Variants in VPS13B observed in about 807,000 individuals in gnomAD.
The protein encoded by VPS13B is intermembrane lipid transfer protein VPS13B.
In VPS13B, 285 loss-of-function variants were observed where a neutral mutation model predicts 426.4. That is an observed-to-expected ratio of 0.67 (90% CI 0.61 to 0.74). The LOEUF is 0.74. VPS13B is among the 30% of genes least tolerant of loss of function. VPS13B has a pLI of 0.00. For missense variants in VPS13B, 4,537 were observed against 4,782.6 expected (o/e 0.95, Z 1.51); for synonymous variants, 1,676 against 1,676.4 (o/e 1.00, Z 0.01).
chr8:99,101,394 A>G (rs1032030599), intron 4 of VPS13B, among the ~76,000 whole-genome samples: 1 of 152,162 alleles, frequency 6.6e-6, no homozygotes, highest in African/African-American at 2.4e-5. Context: ...GGCCTCCCAA[A>G]GTGCTGGGAT....
intron 19 of VPS13B, among the ~76,000 whole-genome samples, chr8:99,365,708 G>C (rs1812838152): frequency 6.6e-6 from 1 of 151,298 alleles, no homozygotes; most frequent in South Asian, 2.1e-4. Flanking sequence ...GTAGAGATGG[G>C]GTTTCACCAT....
chr8:99,079,463 C>A (rs1845326131), intron 3 of VPS13B, among the ~76,000 whole-genome samples: 1 of 151,952 alleles, frequency 6.6e-6, no homozygotes, highest in African/African-American at 2.4e-5. Flanking sequence ...ATACCTAGGC[C>A]CTGGTTGGCA....
intron 47 of VPS13B, 95 bp downstream of exon 47, chr8:99,818,983 G>GGGGGGGGGGGGGGT: frequency 5.2e-6 from 2 of 384,874 alleles, no homozygotes; most frequent in Non-Finnish European, 5.3e-6. Flanking sequence ...GGAGGGGTGG[G>GGGGGGGGGGGGGGT]TAGGGAGATG....
intron 3 of VPS13B, among the ~76,000 whole-genome samples, chr8:99,087,329 G>A (rs142812535): frequency 7.4e-4 from 113 of 152,262 alleles, no homozygotes; most frequent in Non-Finnish European, 8.4e-4. Flanking sequence ...GGGTGGGAGT[G>A]ACCTGATTTT....
chr8:99,284,882 A>G (rs1819353397), intron 19 of VPS13B, among the ~76,000 whole-genome samples: 1 of 152,198 alleles, frequency 6.6e-6, no homozygotes, highest in African/African-American at 2.4e-5. Flanking sequence ...TGTCACCTAT[A>G]AAATGGAGAT....
intron 19 of VPS13B, among the ~76,000 whole-genome samples, chr8:99,369,624 A>G (rs140375436): frequency 0.012 from 1,800 of 152,314 alleles, 21 homozygotes; most frequent in Admixed American, 0.054. Context: ...CTACTTTGAC[A>G]CAGGAAAAAT....
Position 99,536,409 on chromosome 8 carries a change from GT to G in VPS13B, c.4745+15400del, listed in dbSNP as rs544345736. ...ATATGAAGATTAAACATTATAATTT[GT>G]AACATCTTCATTCATTAGATAAATT... is the stretch of plus-strand genomic sequence containing the variant. On this transcript the variant is annotated intron_variant, in intron 30 of 61. Coordinates refer to ENST00000357162, the MANE Select transcript of VPS13B (RefSeq NM_152564.5). Among the ~76,000 whole-genome samples the G allele has an allele frequency of 1.2e-4, 19 of 152,230 alleles. No individual in the cohort carries two copies. The South Asian group carries it at 3.5e-3, about 28-fold the overall frequency.
chr8:99,115,924 C>T (rs189469001), intron 7 of VPS13B, 50 bp downstream of exon 7: 108 of 1,574,988 alleles, frequency 6.9e-5, no homozygotes, highest in Non-Finnish European at 8.8e-5. Flanking sequence ...ACTATTCTTA[C>T]GTTTTACCAT....
chr8:99,054,281 A>T (rs1486659166), intron 3 of VPS13B, among the ~76,000 whole-genome samples: 1 of 152,204 alleles, frequency 6.6e-6, no homozygotes, highest in Non-Finnish European at 1.5e-5. Context: ...GTACCATTGT[A>T]TTCTCACCAC....
chr8:99,079,874 G>T (rs576815957), intron 3 of VPS13B, among the ~76,000 whole-genome samples: 1 of 150,994 alleles, frequency 6.6e-6, no homozygotes, highest in South Asian at 2.1e-4. Context: ...GTGGTGAGCC[G>T]AGATGGCGCC....
chr8:99,762,216 G>C (rs965206152), intron 39 of VPS13B, among the ~76,000 whole-genome samples: 1 of 151,986 alleles, frequency 6.6e-6, no homozygotes, highest in African/African-American at 2.4e-5. Flanking sequence ...TGTAGAGACA[G>C]GGTCTTACCG....
intron 39 of VPS13B, among the ~76,000 whole-genome samples, chr8:99,729,669 A>T (rs560532406): frequency 2.0e-5 from 3 of 152,318 alleles, no homozygotes; most frequent in African/African-American, 7.2e-5. Context: ...TGAGTTTACA[A>T]TGTAATGTTT....
intron 55 of VPS13B, among the ~76,000 whole-genome samples, chr8:99,850,862 G>T (rs1388560699): frequency 6.6e-6 from 1 of 152,114 alleles, no homozygotes; most frequent in Admixed American, 6.5e-5. Context: ...GGAGGCGGAG[G>T]TTGTAGTGAG....
intron 25 of VPS13B, among the ~76,000 whole-genome samples, chr8:99,495,277 A>G (rs1563760752): frequency 1.3e-5 from 2 of 152,248 alleles, no homozygotes; most frequent in Non-Finnish European, 2.9e-5. Flanking sequence ...GCATATGTTC[A>G]TTAAGTCACT....
chr8:99,087,621 T>TG (rs1845905423), intron 3 of VPS13B, among the ~76,000 whole-genome samples: 1 of 151,462 alleles, frequency 6.6e-6, no homozygotes, highest in African/African-American at 2.4e-5. Context: ...TTTTGTTTTT[T>TG]TTTTTTTTTA....
intron 35 of VPS13B, among the ~76,000 whole-genome samples, chr8:99,690,416 C>A (rs1009451838): frequency 6.6e-6 from 1 of 152,008 alleles, no homozygotes; most frequent in Non-Finnish European, 1.5e-5. Context: ...TGGTATGACA[C>A]CAAAAGCACA....
intron 58 of VPS13B, 188 bp from the exon 59 acceptor site, chr8:99,868,095 TATTTTG>T (rs1157704283): frequency 1.6e-6 from 1 of 644,726 alleles, no homozygotes; most frequent in Non-Finnish European, 2.6e-6. Flanking sequence ...CTGAACATTG[TATTTTG>T]ATGACGATAA....
Position 99,691,495 on chromosome 8 carries a change from T to G in VPS13B, c.6047-8030T>G, listed in dbSNP as rs1462344255. On this transcript the variant is annotated intron_variant, in intron 35 of 61. Coordinates refer to ENST00000357162, the MANE Select transcript of VPS13B (RefSeq NM_152564.5). ...AGTATTGTGCACGGGTGACTCAAGTTTCTGACCCTTTCCAATGCACAACTA... is the reference window on the plus strand; with the variant it reads ...AGTATTGTGCACGGGTGACTCAAGTGTCTGACCCTTTCCAATGCACAACTA... Among the ~76,000 whole-genome samples, 5 of 152,130 alleles carry G rather than the reference T, an allele frequency of 3.3e-5. No homozygotes were observed. In the East Asian group the frequency reaches 9.6e-4, roughly 29 times the overall value.
At position 99,716,778 on chromosome 8, in the gene VPS13B, G is replaced by T. The variant is rs1832941647; in HGVS notation, c.6455-393G>T. Among the ~76,000 whole-genome samples the T allele has an allele frequency of 2.0e-5, 3 of 152,104 alleles. 1 individual carries two copies. The South Asian group carries it at 6.2e-4, about 32-fold the overall frequency. Reference sequence around the variant, plus strand: ...TGAGTGTCTAGCAGAGTAACATACTGCACTCTGTTACTGTAGGAAATCACA... The same window carrying T: ...TGAGTGTCTAGCAGAGTAACATACTTCACTCTGTTACTGTAGGAAATCACA... On this transcript the variant is annotated intron_variant, in intron 36 of 61. Transcript: ENST00000357162.
Sources: allele counts gnomAD v4.1 joint callset (sites outside exome capture counted in the v4.1 genomes callset), GRCh38; gene constraint gnomAD v4.1.1; transcripts MANE v1.5; gene names NCBI Gene and HGNC (gene_info 2026-07-23, HGNC 2026-07-21).